Variants in GK5 observed in about 807,000 individuals in gnomAD.
GK5 encodes ATP:glycerol 3-phosphotransferase 5.
In GK5, 39 loss-of-function variants were observed where a neutral mutation model predicts 77.3. The ratio of observed to expected loss-of-function variants is 0.50; its 90% confidence interval spans 0.39 to 0.66. GK5 has a LOEUF of 0.66. Ranked by LOEUF, GK5 falls within the 30% of genes least tolerant of loss-of-function variation. GK5 has a pLI of 0.00. For synonymous variants in GK5, 211 were observed against 208.0 expected (o/e 1.01, Z -0.13); for missense variants, 487 against 633.8 (o/e 0.77, Z 2.49).
chr3:142,200,620 A>C (rs910180532), intron 4 of GK5, among the ~76,000 whole-genome samples: 3 of 152,134 alleles, frequency 2.0e-5, no homozygotes, highest in Non-Finnish European at 4.4e-5. Context: ...CTCTTTATAC[A>C]CCCTACACTA....
intron 6 of GK5, 130 bp downstream of exon 6, chr3:142,187,574 C>A (rs2063789240): frequency 3.0e-6 from 2 of 668,220 alleles, no homozygotes; most frequent in Non-Finnish European, 2.6e-6. Flanking sequence ...CATTGCACTC[C>A]CGCCTGGTTG....
At position 142,165,691 on chromosome 3, in the gene GK5, T is replaced by A. The variant is rs748241901; in HGVS notation, c.1521A>T (p.Glu507Asp). The A allele has an allele frequency of 1.2e-6, 2 of 1,613,276 alleles. No homozygotes were observed. The highest frequency in any genetic ancestry group is 1.7e-4 in the Middle Eastern group (1 of 6,058). ...VVFKPQKKCQ[E>D]YEMSLENWAK... ...CCCAGTTTTCCAGACTCATTTCATA[T>A]TCTTGACATTTCTTCTGTGGCTTGA... is the stretch of plus-strand genomic sequence containing the variant. The change falls in exon 16 of 16, where the codon GAA becomes GAT. Residue 507 changes from glutamate to aspartate, a missense_variant. Transcript: ENST00000392993.
chr3:142,194,642 G>A (rs897227214), intron 5 of GK5, among the ~76,000 whole-genome samples: 1 of 151,844 alleles, frequency 6.6e-6, no homozygotes, highest in South Asian at 2.1e-4. Flanking sequence ...AGTGAGCTGC[G>A]ATCATGCCAC....
intron 5 of GK5, 51 bp downstream of exon 5, chr3:142,198,751 A>G: frequency 6.7e-7 from 1 of 1,486,642 alleles, no homozygotes; most frequent in South Asian, 1.3e-5. Flanking sequence ...TAGTCTTTAT[A>G]TGGTTTCCAC....
chr3:142,176,728 C>T (rs2063618373), intron 12 of GK5, among the ~76,000 whole-genome samples: 1 of 111,218 alleles, frequency 9.0e-6, no homozygotes, highest in Non-Finnish European at 1.7e-5. Context: ...GCAGTGGCAT[C>T]TCGGCTCACT....
chr3:142,197,659 CT>C (rs1267364157), intron 5 of GK5, among the ~76,000 whole-genome samples: 4 of 152,192 alleles, frequency 2.6e-5, no homozygotes, highest in African/African-American at 9.6e-5. Context: ...AAAAAGTCCT[CT>C]GATCACATAC....
At chr3:142,208,441 T>G (rs922983591) in intron 3 of GK5, among the ~76,000 whole-genome samples, 1 of 152,250 alleles carries the variant, frequency 6.6e-6, no homozygotes, top group African/African-American at 2.4e-5. Context: ...TGTAGGTCTT[T>G]GATGCATTTT....
chr3:142,173,683 CAAAACAAAAACAAAAACA>C (rs71153944), intron 12 of GK5, among the ~76,000 whole-genome samples: 5 of 149,912 alleles, frequency 3.3e-5, no homozygotes, highest in African/African-American at 9.9e-5. Flanking sequence ...GACTCCGTCT[CAAAACAAAAACAAAAACA>C]AAAACAAAAA....
rs1338653774 is a variant in GK5, at chr3:142,164,133, T to G, written c.*1489A>C. 1 of 152,180 alleles carries G rather than the reference T, an allele frequency of 6.6e-6. No individual in the cohort carries two copies. Among genetic ancestry groups the G allele is most frequent in the East Asian group, 1.9e-4 (1 of 5,202 alleles). 9.4% of individuals were successfully genotyped at this position (152,180 alleles called of 1,614,324 possible). On this transcript the variant is annotated 3_prime_UTR_variant, in exon 16 of 16. Coordinates refer to ENST00000392993, the MANE Select transcript of GK5 (RefSeq NM_001039547.3). Reference sequence around the variant, plus strand: ...GAAAATTTAATAATTAAGAAGATACTTGAAGTTCATTCAAATGGCACTTGC... The same window carrying G: ...GAAAATTTAATAATTAAGAAGATACGTGAAGTTCATTCAAATGGCACTTGC...
At chr3:142,196,557 A>C (rs547787455) in intron 5 of GK5, among the ~76,000 whole-genome samples, 43 of 151,996 alleles carry the variant, frequency 2.8e-4, no homozygotes, top group Non-Finnish European at 5.3e-4. Context: ...AATTTCTCTT[A>C]TGATTTCTCC....
chr3:142,182,790 T>C (rs2063714970), intron 10 of GK5, 133 bp downstream of exon 10: 2 of 573,972 alleles, frequency 3.5e-6, no homozygotes, highest in East Asian at 6.1e-5. Context: ...GAAATGATAA[T>C]TAACTGTCTT....
intron 12 of GK5, chr3:142,173,323 T>C (rs2063564863): frequency 3.2e-6 from 1 of 309,478 alleles, no homozygotes; most frequent in Admixed American, 3.8e-5. Flanking sequence ...TGGAAGTATG[T>C]ATTAATCAGA....
rs1354315561 is a variant in GK5 at position 142,163,495 on chromosome 3, C to G, written c.*2127G>C. ...TCACCGTGTTTGACCAGGTTGGACTCCTGACCTCAAATGATCCGCCCACTT... is the reference window on the plus strand; with the variant it reads ...TCACCGTGTTTGACCAGGTTGGACTGCTGACCTCAAATGATCCGCCCACTT... On this transcript the variant is annotated 3_prime_UTR_variant, in exon 16 of 16. Transcript: ENST00000392993. The G allele has an allele frequency of 6.6e-6, 1 of 152,038 alleles. No homozygotes were observed. Among genetic ancestry groups the G allele is most frequent in the African/African-American group, 2.4e-5 (1 of 41,386 alleles). The allele number at this position is 152,038 out of a possible 1,614,324, so 9.4% of individuals were successfully genotyped here. A position where few individuals can be genotyped will look rare whatever the true frequency, so the allele number is the denominator to read the frequency against.
At chr3:142,201,579 T>C (rs146463236) in intron 4 of GK5, among the ~76,000 whole-genome samples, 126 of 152,298 alleles carry the variant, frequency 8.3e-4, no homozygotes, top group African/African-American at 2.8e-3. Flanking sequence ...GTATCTTGCA[T>C]ATGCTCCTGG....
At position 142,164,396 on chromosome 3, in the gene GK5, G is replaced by C. The variant is rs540887853; in HGVS notation, c.*1226C>G. On this transcript the variant is annotated 3_prime_UTR_variant, in exon 16 of 16. Coordinates refer to ENST00000392993, the MANE Select transcript of GK5 (RefSeq NM_001039547.3). Reference sequence around the variant, plus strand: ...AAATGTAGGGAGGGGCAAATAAAGTGAAAACATGTTGGAAGGTGGGGTCAA... The same window carrying C: ...AAATGTAGGGAGGGGCAAATAAAGTCAAAACATGTTGGAAGGTGGGGTCAA... 6.6e-6 allele frequency: 1 copy of C among 152,274 alleles called. No homozygotes were observed. The highest frequency in any genetic ancestry group is 2.1e-4 in the South Asian group (1 of 4,826). 9.4% of individuals were successfully genotyped at this position (152,274 alleles called of 1,614,324 possible). A position where few individuals can be genotyped will look rare whatever the true frequency, so the allele number is the denominator to read the frequency against.
chr3:142,203,173 C>T (rs1238812675), intron 4 of GK5, among the ~76,000 whole-genome samples: 1 of 152,058 alleles, frequency 6.6e-6, no homozygotes, highest in Non-Finnish European at 1.5e-5. Flanking sequence ...CTTATAACCA[C>T]TTTTACTCCC....
At chr3:142,219,826 G>C (rs2107800411) in intron 1 of GK5, among the ~76,000 whole-genome samples, 1 of 152,178 alleles carries the variant, frequency 6.6e-6, no homozygotes, top group South Asian at 2.1e-4. Flanking sequence ...AATACAAAAA[G>C]GGTGTAGTGG....
chr3:142,208,720 G>A (rs778558689), intron 3 of GK5, among the ~76,000 whole-genome samples: 41 of 152,192 alleles, frequency 2.7e-4, no homozygotes, highest in African/African-American at 7.7e-4. Flanking sequence ...AAGCCAATTT[G>A]TACCAGGAGT....
In GK5 at chr3:142,162,604, T is replaced by A. The variant is rs2063433866; in HGVS notation, c.*3018A>T. On this transcript the variant is annotated 3_prime_UTR_variant, in exon 16 of 16. Coordinates refer to ENST00000392993, the MANE Select transcript of GK5 (RefSeq NM_001039547.3). ...GACAGTTGCAGACCTTCTAAAAATATCTGATAGATCTATAATGGGAAAATA... is the reference window on the plus strand; with the variant it reads ...GACAGTTGCAGACCTTCTAAAAATAACTGATAGATCTATAATGGGAAAATA... 6.6e-6 allele frequency: 1 copy of A among 152,164 alleles called. No individual in the cohort carries two copies. Among genetic ancestry groups the A allele is most frequent in the African/African-American group, 2.4e-5 (1 of 41,442 alleles). The allele number at this position is 152,164 out of a possible 1,614,324, so 9.4% of individuals were successfully genotyped here. A position where few individuals can be genotyped will look rare whatever the true frequency, so the allele number is the denominator to read the frequency against.
Sources: allele counts gnomAD v4.1 joint callset (sites outside exome capture counted in the v4.1 genomes callset), GRCh38; gene constraint gnomAD v4.1.1; transcripts MANE v1.5; gene names NCBI Gene and HGNC (gene_info 2026-07-23, HGNC 2026-07-21).